NAALADL2: variants seen among roughly 807,000 people sequenced by gnomAD.
NAALADL2 encodes the protein N-acetylated alpha-linked acidic dipeptidase like 2.
A neutral mutation model predicts 87.2 loss-of-function variants in NAALADL2; 76 were observed. The observed-to-expected ratio is 0.87, with a 90% confidence interval of 0.72 to 1.05. The LOEUF is 1.05. Ranked by LOEUF, NAALADL2 falls within the 50% of genes least tolerant of loss-of-function variation. The pLI is 0.00. For synonymous variants in NAALADL2, 354 were observed against 331.0 expected (o/e 1.07, Z -0.75); for missense variants, 1,089 against 945.8 (o/e 1.15, Z -1.99).
intron 1 of NAALADL2, among the ~76,000 whole-genome samples, chr3:175,029,433 C>A (rs968200341): frequency 6.6e-6 from 1 of 151,986 alleles, no homozygotes; most frequent in African/African-American, 2.4e-5. Flanking sequence ...ACTAAAAACA[C>A]ACATTGATAT....
intron 10 of NAALADL2, among the ~76,000 whole-genome samples, chr3:175,580,029 A>C (rs1186094109): frequency 6.6e-6 from 1 of 152,176 alleles, no homozygotes; most frequent in African/African-American, 2.4e-5. Context: ...TAGAGCATTT[A>C]ACATTTAAAT....
intron 5 of NAALADL2, among the ~76,000 whole-genome samples, chr3:175,339,773 T>C (rs543026512): frequency 2.0e-4 from 30 of 152,184 alleles, no homozygotes; most frequent in Non-Finnish European, 3.8e-4. Context: ...TTTCAGACCT[T>C]ATCCATTACC....
At chr3:174,896,431 C>T (rs1269838749) in intron 1 of NAALADL2, among the ~76,000 whole-genome samples, 1 of 151,996 alleles carries the variant, frequency 6.6e-6, no homozygotes, top group Non-Finnish European at 1.5e-5. Flanking sequence ...AATAGCCACA[C>T]ATAAAGGTAA....
At chr3:174,661,143 C>G (rs569161535) in intron 2 of NAALADL2, among the ~76,000 whole-genome samples, 3 of 152,126 alleles carry the variant, frequency 2.0e-5, no homozygotes, top group African/African-American at 7.2e-5. Context: ...GATTGGAATA[C>G]GCCTGTAATA....
At chr3:174,703,818 G>T (rs755542168) in intron 2 of NAALADL2, among the ~76,000 whole-genome samples, 1 of 152,066 alleles carries the variant, frequency 6.6e-6, no homozygotes, top group Non-Finnish European at 1.5e-5. Context: ...TCTGCTCTTA[G>T]AATTTTACTT....
intron 13 of NAALADL2, among the ~76,000 whole-genome samples, chr3:175,764,187 T>C (rs531225041): frequency 2.0e-4 from 31 of 151,706 alleles, no homozygotes; most frequent in Non-Finnish European, 2.4e-4. Context: ...AAACTATTGA[T>C]TATGGTCCAG....
intron 2 of NAALADL2, among the ~76,000 whole-genome samples, chr3:174,653,747 A>T (rs1205925206): frequency 6.6e-6 from 1 of 152,186 alleles, no homozygotes; most frequent in Non-Finnish European, 1.5e-5. Context: ...TGTGAACAAT[A>T]TTGGAAGGCC....
At chr3:175,553,591 G>T (rs1264483022) in intron 9 of NAALADL2, among the ~76,000 whole-genome samples, 1 of 150,472 alleles carries the variant, frequency 6.6e-6, no homozygotes, top group Non-Finnish European at 1.5e-5. Context: ...TTGACATCAT[G>T]ACATTTTATT....
At chr3:175,210,789 C>G (rs1439678547) in intron 2 of NAALADL2, among the ~76,000 whole-genome samples, 1 of 151,568 alleles carries the variant, frequency 6.6e-6, no homozygotes, top group African/African-American at 2.4e-5. Flanking sequence ...GCTCTATTTA[C>G]CATACTGCCT....
At chr3:175,635,222 T>C (rs888585485) in intron 11 of NAALADL2, among the ~76,000 whole-genome samples, 1 of 152,108 alleles carries the variant, frequency 6.6e-6, no homozygotes, top group Non-Finnish European at 1.5e-5. Flanking sequence ...TCAGTTTCTC[T>C]TTTGTCTTTT....
At chr3:175,783,212 C>A (rs555385662) in intron 13 of NAALADL2, among the ~76,000 whole-genome samples, 1 of 152,210 alleles carries the variant, frequency 6.6e-6, no homozygotes. Context: ...TCCATAAGAA[C>A]TTTAAAGTAG....
intron 1 of NAALADL2, among the ~76,000 whole-genome samples, chr3:175,016,092 C>T (rs758269024): frequency 2.0e-5 from 3 of 151,564 alleles, no homozygotes; most frequent in East Asian, 3.9e-4. Flanking sequence ...TCACCTGAAA[C>T]TCCTTCAGTA....
At chr3:175,188,203 A>G (rs1737625634) in intron 2 of NAALADL2, among the ~76,000 whole-genome samples, 1 of 152,210 alleles carries the variant, frequency 6.6e-6, no homozygotes, top group Non-Finnish European at 1.5e-5. Flanking sequence ...GGCAGCAGTG[A>G]TAAAGTGATG....
chr3:174,654,517 C>CA (rs990713139), intron 2 of NAALADL2, among the ~76,000 whole-genome samples: 25 of 151,310 alleles, frequency 1.7e-4, no homozygotes, highest in Middle Eastern at 6.8e-3. Flanking sequence ...TGAGATCTGG[C>CA]AAAAAAAATC....
At chr3:174,688,528 C>A (rs515427) in intron 2 of NAALADL2, among the ~76,000 whole-genome samples, 114,278 of 151,946 alleles carry the variant, frequency 0.75, 43,150 homozygotes, top group East Asian at 0.89. Flanking sequence ...GTTCTTATAA[C>A]AGTATCTGGC....
chr3:174,727,467 G>T (rs751773667), intron 2 of NAALADL2, among the ~76,000 whole-genome samples: 1 of 151,856 alleles, frequency 6.6e-6, no homozygotes, highest in Non-Finnish European at 1.5e-5. Context: ...GTATAATCTA[G>T]TGGCCAAAAG....
chr3:175,665,991 G>A (rs1402286945), intron 11 of NAALADL2, among the ~76,000 whole-genome samples: 2 of 151,952 alleles, frequency 1.3e-5, no homozygotes, highest in East Asian at 3.9e-4. Context: ...TCCAGAATAA[G>A]CACTGGAAGT....
chr3:174,966,843 T>A (rs1317300397), intron 1 of NAALADL2, among the ~76,000 whole-genome samples: 1 of 152,092 alleles, frequency 6.6e-6, no homozygotes, highest in Non-Finnish European at 1.5e-5. Context: ...AGGTATAGGG[T>A]TAGAGAAATT....
chr3:174,644,604 T>G (rs1472537790), intron 2 of NAALADL2, among the ~76,000 whole-genome samples: 2 of 152,050 alleles, frequency 1.3e-5, no homozygotes, highest in Non-Finnish European at 2.9e-5. Context: ...AAGAGTCAAC[T>G]GTAGCATTAA....
Sources: allele counts gnomAD v4.1 joint callset (sites outside exome capture counted in the v4.1 genomes callset), GRCh38; gene constraint gnomAD v4.1.1; transcripts MANE v1.5; gene names NCBI Gene and HGNC (gene_info 2026-07-23, HGNC 2026-07-21).